The following MED18 variants were observed in gnomAD, a reference collection of about 807,000 sequenced individuals.
MED18 encodes mediator complex subunit 18.
MED18 carries 10 observed loss-of-function variants against 13.9 expected under a neutral mutation model. The ratio of observed to expected loss-of-function variants is 0.72; its 90% confidence interval spans 0.44 to 1.22. MED18 has a LOEUF of 1.22. Among genes scored for constraint, MED18 ranks in the 50% most tolerant of loss-of-function variants. The probability of loss-of-function intolerance (pLI) is 0.00; values close to 1 mark genes in which losing one functional copy is unlikely to be tolerated. For synonymous variants in MED18, 88 were observed against 93.2 expected (o/e 0.94, Z 0.32); for missense variants, 216 against 279.0 (o/e 0.77, Z 1.61).
chr1:28,333,854 G>A (rs548603683), intron 2 of MED18, among the ~76,000 whole-genome samples: 259 of 152,202 alleles, frequency 1.7e-3, no homozygotes, highest in Middle Eastern at 6.8e-3. Flanking sequence ...GCTAGACTCC[G>A]TCTCAAAAAA....
rs1294122734 is a variant in MED18, at chr1:28,329,431, G to A, written c.-67+251G>A. On this transcript the variant is annotated intron_variant, in intron 1 of 2. Coordinates refer to ENST00000373842, the MANE Select transcript of MED18 (RefSeq NM_017638.3). Reference sequence around the variant, plus strand: ...CTCCTGAGGAGCTGGGATTACAGGCGCTCGCCACCAGGCCTGGCTAATTTT... The same window carrying A: ...CTCCTGAGGAGCTGGGATTACAGGCACTCGCCACCAGGCCTGGCTAATTTT... 3.9e-5 allele frequency among the ~76,000 whole-genome samples: 6 copies of A among 151,904 alleles called. No homozygotes were observed. The East Asian group carries it at 1.2e-3, about 29-fold the overall frequency.
Position 28,334,466 on chromosome 1 carries a change from T to C in MED18, c.123T>C (p.Gly41=), listed in dbSNP as rs1445932636. 1.2e-6 allele frequency: 2 copies of C among 1,614,198 alleles called. No homozygotes were observed. The highest frequency in any genetic ancestry group is 4.5e-5 in the East Asian group (2 of 44,890). Residue 41 remains glycine (G), a synonymous_variant, in exon 3 of 3, where the codon GGT becomes GGC. Transcript: ENST00000373842. ...SLESLIHRLR[G]LCDNMEPETF... is the part of the protein sequence containing the mutation. ...AAAGCCTCATCCACCGCCTTCGTGGTTTGTGTGACAACATGGAACCTGAGA... is the reference window on the plus strand; with the variant it reads ...AAAGCCTCATCCACCGCCTTCGTGGCTTGTGTGACAACATGGAACCTGAGA...
intron 1 of MED18, 144 bp from the exon 2 acceptor site, chr1:28,330,453 G>A (rs1191630301): frequency 4.8e-6 from 2 of 415,040 alleles, no homozygotes; most frequent in Non-Finnish European, 8.7e-6. Context: ...CTATATTTCT[G>A]TGTCATCAGT....
rs1649611063 is a variant in MED18 at position 28,329,124 on chromosome 1, G to C, written c.-123G>C. 6.6e-6 allele frequency: 1 copy of C among 152,174 alleles called. No individual in the cohort carries two copies. Among genetic ancestry groups the C allele is most frequent in the Non-Finnish European group, 1.5e-5 (1 of 68,082 alleles). The allele number at this position is 152,174 out of a possible 1,614,324, so 9.4% of individuals were successfully genotyped here. On this transcript the variant is annotated 5_prime_UTR_variant, in exon 1 of 3. Coordinates refer to ENST00000373842, the MANE Select transcript of MED18 (RefSeq NM_017638.3). ...TCTAATCGTCGCTCAAAAGCTCCTA[G>C]GTGCGCGGGTGGATATAATTCCCGG... is the stretch of plus-strand genomic sequence containing the variant.
In MED18 at chr1:28,334,574, C is replaced by T. The variant is rs1295293123; in HGVS notation, c.231C>T (p.Asp77=). 3.1e-6 allele frequency: 5 copies of T among 1,614,192 alleles called. No homozygotes were observed. The highest frequency in any genetic ancestry group is 4.2e-6 in the Non-Finnish European group (5 of 1,180,034). Residue 77 remains aspartate, a synonymous_variant, in exon 3 of 3, where the codon GAC becomes GAT. Transcript: ENST00000373842. ...TTCTCAGGGCCCGACGCTCTATGGACAGGGCAGGGGCACCCTGGCATCTGC... is the reference window on the plus strand; with the variant it reads ...TTCTCAGGGCCCGACGCTCTATGGATAGGGCAGGGGCACCCTGGCATCTGC... The part of the protein sequence containing the change: ...PFVLRARRSM[D]RAGAPWHLRY...
chr1:28,335,010 G>A lies in MED18; in HGVS notation c.*40G>A. On this transcript the variant is annotated 3_prime_UTR_variant, in exon 3 of 3. Transcript: ENST00000373842. ...CCACATTTGGGGCCTATCCTTACTT[G>A]TTTGAAAAAATATGTTTGCTTTTTT... 6.6e-7 allele frequency: 1 copy of A among 1,514,608 alleles called. No homozygotes were observed. Among genetic ancestry groups the A allele is most frequent in the East Asian group, 2.3e-5 (1 of 44,000 alleles). 93.8% of individuals were successfully genotyped at this position (1,514,608 alleles called of 1,614,324 possible). A position where few individuals can be genotyped will look rare whatever the true frequency, so the allele number is the denominator to read the frequency against.
intron 2 of MED18, among the ~76,000 whole-genome samples, chr1:28,333,154 T>C (rs1434186294): frequency 1.3e-5 from 2 of 152,200 alleles, no homozygotes; most frequent in Non-Finnish European, 2.9e-5. Context: ...TAAAGATGTC[T>C]GTTAGGCATC....
chr1:28,332,684 A>G (rs1205240583), intron 2 of MED18, among the ~76,000 whole-genome samples: 1 of 152,206 alleles, frequency 6.6e-6, no homozygotes, highest in African/African-American at 2.4e-5. Context: ...AGCAGAGACC[A>G]TAATATGTAG....
rs568972012 is a variant in MED18, at chr1:28,330,026, T to C, written c.-66-571T>C. Among the ~76,000 whole-genome samples, 179 of 152,130 alleles carry C rather than the reference T, an allele frequency of 1.2e-3. 1 individual carries two copies. Among genetic ancestry groups the C allele is most frequent in the African/African-American group, 4.2e-3 (176 of 41,498 alleles). On this transcript the variant is annotated intron_variant, in intron 1 of 2. Coordinates refer to ENST00000373842, the MANE Select transcript of MED18 (RefSeq NM_017638.3). ...GGCTCACACCTGTAATGCCAGCACT[T>C]TGGGAGGCCGGATCACCTGAGTATC...
chr1:28,335,361 C>T lies in MED18; in HGVS notation c.*391C>T, dbSNP rs1193875705. 2 of 187,068 alleles carry T rather than the reference C, an allele frequency of 1.1e-5. No homozygotes were observed. The highest frequency in any genetic ancestry group is 2.6e-4 in the East Asian group (2 of 7,674). The allele number at this position is 187,068 out of a possible 1,614,324, so 11.6% of individuals were successfully genotyped here. A position where few individuals can be genotyped will look rare whatever the true frequency, so the allele number is the denominator to read the frequency against. Reference sequence around the variant, plus strand: ...GGCCAAAAAAATATGTTTTAAATGTCCCATTTCACCATTGCCAGGCAGGCA... The same window carrying T: ...GGCCAAAAAAATATGTTTTAAATGTTCCATTTCACCATTGCCAGGCAGGCA... On this transcript the variant is annotated 3_prime_UTR_variant, in exon 3 of 3. Transcript: ENST00000373842.
chr1:28,330,818 C>T (rs1401766928), intron 2 of MED18, 83 bp downstream of exon 2: 3 of 1,047,674 alleles, frequency 2.9e-6, no homozygotes, highest in Non-Finnish European at 4.1e-6. Context: ...AACACAAAAG[C>T]AGCCTGCACA....
chr1:28,331,521 G>A (rs1649735229), intron 2 of MED18, among the ~76,000 whole-genome samples: 1 of 151,896 alleles, frequency 6.6e-6, no homozygotes, highest in Non-Finnish European at 1.5e-5. Context: ...GTAGAGAGTT[G>A]TGGTTTCATC....
At position 28,334,556 on chromosome 1, in the gene MED18, GGC is replaced by G. The variant is rs746949037; in HGVS notation, c.214_215del (p.Ala72ProfsTer40). ...GQQASPFVLR[A>X]RRSMDRAGAP... ...AGCAAGCCAGCCCATTTGTTCTCAGGGCCCGACGCTCTATGGACAGGGCAGGG... is the reference window on the plus strand; with the variant it reads ...AGCAAGCCAGCCCATTTGTTCTCAGGCCGACGCTCTATGGACAGGGCAGGG... On this transcript the variant is annotated frameshift_variant, in exon 3 of 3. Coordinates refer to ENST00000373842, the MANE Select transcript of MED18 (RefSeq NM_017638.3). LOFTEE classifies it high-confidence loss of function. The G allele has an allele frequency of 6.2e-7, 1 of 1,614,110 alleles. No homozygotes were observed. Among genetic ancestry groups the G allele is most frequent in the African/African-American group, 1.3e-5 (1 of 75,030 alleles).
At position 28,330,478 on chromosome 1, in the gene MED18, A is replaced by G. The variant is rs139458663; in HGVS notation, c.-66-119A>G. On this transcript the variant is annotated intron_variant, in intron 1 of 2. Transcript: ENST00000373842. ...GTGTCATCAGTTCCTGGAACTGGCC[A>G]TATAAGGAAATACTCAAACGTTTTT... is the stretch of plus-strand genomic sequence containing the variant. 1.9e-3 allele frequency: 868 copies of G among 459,416 alleles called. 5 individuals are homozygous for G. The highest frequency in any genetic ancestry group is 0.014 in the African/African-American group (675 of 48,112). The allele number at this position is 459,416 out of a possible 1,614,324, so 28.5% of individuals were successfully genotyped here. A position where few individuals can be genotyped will look rare whatever the true frequency, so the allele number is the denominator to read the frequency against.
rs934643226 is a variant in MED18, at chr1:28,334,986, C to T, written c.*16C>T. ...GCTCATGTGACTAAGAGGATCTGTC[C>T]ACATTTGGGGCCTATCCTTACTTGT... On this transcript the variant is annotated 3_prime_UTR_variant, in exon 3 of 3. Coordinates refer to ENST00000373842, the MANE Select transcript of MED18 (RefSeq NM_017638.3). 3.1e-6 allele frequency: 5 copies of T among 1,591,494 alleles called. No individual in the cohort carries two copies. The African/African-American group carries it at 6.8e-5, about 21-fold the overall frequency.
intron 2 of MED18, among the ~76,000 whole-genome samples, chr1:28,333,691 C>T (rs1649820042): frequency 6.6e-6 from 1 of 152,140 alleles, no homozygotes; most frequent in Non-Finnish European, 1.5e-5. Context: ...GAAACCCTGT[C>T]TCTACTAAAA....
chr1:28,330,758 A>G (rs764513811), intron 2 of MED18, 23 bp downstream of exon 2: 48 of 1,566,582 alleles, frequency 3.1e-5, no homozygotes, highest in Non-Finnish European at 4.2e-5. Context: ...GGGAACTTGG[A>G]TTACCTGTTT....
Position 28,334,685 on chromosome 1 carries a change from C to T in MED18, c.342C>T (p.Leu114=), listed in dbSNP as rs547480605. ...NCVDIATSEN[L]TDFLMEMGFR... ...TGGACATTGCCACATCTGAGAACCT[C>T]ACCGACTTCTTGATGGAAATGGGCT... is the stretch of plus-strand genomic sequence containing the variant. Residue 114 remains leucine (L), a synonymous_variant, in exon 3 of 3, where the codon CTC becomes CTT. Coordinates refer to ENST00000373842, the MANE Select transcript of MED18 (RefSeq NM_017638.3). 1 of 1,614,052 alleles carries T rather than the reference C, an allele frequency of 6.2e-7. No homozygotes were observed. The highest frequency in any genetic ancestry group is 8.5e-7 in the Non-Finnish European group (1 of 1,180,050).
chr1:28,332,106 AG>A (rs1241056423), intron 2 of MED18, among the ~76,000 whole-genome samples: 2 of 152,210 alleles, frequency 1.3e-5, no homozygotes, highest in African/African-American at 2.4e-5. Context: ...GGAGGCAGAA[AG>A]ATGACTAAAA....
Sources: allele counts gnomAD v4.1 joint callset (sites outside exome capture counted in the v4.1 genomes callset), GRCh38; gene constraint gnomAD v4.1.1; transcripts MANE v1.5; gene names NCBI Gene and HGNC (gene_info 2026-07-23, HGNC 2026-07-21).